Variants in SOX6 observed in about 807,000 individuals in gnomAD.
The protein encoded by SOX6 is SRY-box transcription factor 6, also known as transcription factor SOX-6.
A neutral mutation model predicts 97.8 loss-of-function variants in SOX6; 11 were observed. The ratio of observed to expected loss-of-function variants is 0.11; its 90% CI spans 0.07 to 0.19. The LOEUF (loss-of-function observed/expected upper bound fraction) is 0.19, where lower values mean the gene tolerates loss of function less well. Among genes scored for constraint, SOX6 ranks in the 10% least tolerant of loss-of-function variants. SOX6 has a pLI of 1.00. For synonymous variants in SOX6, 360 were observed against 371.4 expected (o/e 0.97, Z 0.35); for missense variants, 810 against 1,039.5 (o/e 0.78, Z 3.04).
intron 6 of SOX6, among the ~76,000 whole-genome samples, chr11:16,178,930 G>A (rs1166834846): frequency 6.6e-6 from 1 of 151,878 alleles, no homozygotes; most frequent in Non-Finnish European, 1.5e-5. Flanking sequence ...TAAATGGAAG[G>A]TGCAGCTCTT....
At chr11:16,235,660 T>TA (rs1852994337) in intron 3 of SOX6, among the ~76,000 whole-genome samples, 1 of 152,142 alleles carries the variant, frequency 6.6e-6, no homozygotes, top group South Asian at 2.1e-4. Context: ...TTAAAACAGT[T>TA]ACTCCAATTC....
At position 16,737,201 on chromosome 11, in the gene SOX6, A is replaced by ATTAT. The variant is rs757138475; in HGVS notation, n.220-733_220-730dup. Among the ~76,000 whole-genome samples, 246 of 152,040 alleles carry ATTAT rather than the reference A, an allele frequency of 1.6e-3. 2 individuals are homozygous for ATTAT. The highest frequency in any genetic ancestry group is 3.4e-3 in the Middle Eastern group (1 of 294). On this transcript the variant is annotated intron_variant and non_coding_transcript_variant, in intron 1 of 5. Coordinates refer to the SOX6 transcript ENST00000524520. ...CAGATATGTATTATCCATACCACTT[A>ATTAT]TTATTTATTTATTTATTTATTTAGA... is the stretch of plus-strand genomic sequence containing the variant.
intron 4 of SOX6, among the ~76,000 whole-genome samples, chr11:16,570,026 A>G (rs1391011717): frequency 6.6e-6 from 1 of 152,196 alleles, no homozygotes; most frequent in Non-Finnish European, 1.5e-5. Context: ...TAGCAAAGAC[A>G]AAACTCACTC....
intron 7 of SOX6, among the ~76,000 whole-genome samples, chr11:16,100,488 A>T (rs79442752): frequency 0.011 from 1,612 of 151,898 alleles, 27 homozygotes; most frequent in African/African-American, 0.037. Flanking sequence ...ACAAAGTAGG[A>T]TTTAAAACTT....
At chr11:16,446,545 T>C (rs1412712874) in intron 1 of SOX6, among the ~76,000 whole-genome samples, 5 of 152,170 alleles carry the variant, frequency 3.3e-5, no homozygotes, top group Non-Finnish European at 7.4e-5. Flanking sequence ...AGTGGTCATA[T>C]TTCTGCAGAG....
intron 3 of SOX6, among the ~76,000 whole-genome samples, chr11:16,679,423 A>T (rs1420969381): frequency 6.6e-6 from 1 of 152,218 alleles, no homozygotes; most frequent in Non-Finnish European, 1.5e-5. Flanking sequence ...TAGCATCAAC[A>T]TCAATAAAAT....
chr11:16,297,321 C>T (rs929985819), intron 3 of SOX6, among the ~76,000 whole-genome samples: 4 of 152,030 alleles, frequency 2.6e-5, no homozygotes, highest in African/African-American at 9.7e-5. Flanking sequence ...AACATAAATG[C>T]ACCAAATAAT....
intron 1 of SOX6, among the ~76,000 whole-genome samples, chr11:16,354,104 A>C (rs1010713009): frequency 2.6e-5 from 4 of 151,982 alleles, no homozygotes; most frequent in Admixed American, 6.6e-5. Flanking sequence ...GAAAGACTTA[A>C]ATCTCATTTA....
At chr11:16,041,564 T>C (rs557722341) in intron 12 of SOX6, among the ~76,000 whole-genome samples, 1 of 152,272 alleles carries the variant, frequency 6.6e-6, no homozygotes, top group East Asian at 1.9e-4. Context: ...TTTTCCTATT[T>C]AATTCACTGA....
chr11:16,544,114 C>T lies in SOX6; in HGVS notation n.610-67726G>A, dbSNP rs891181707. 2.0e-4 allele frequency among the ~76,000 whole-genome samples: 30 copies of T among 152,018 alleles called. 1 individual carries two copies. Among genetic ancestry groups the T allele is most frequent in the African/African-American group, 7.0e-4 (29 of 41,380 alleles). ...CATGCTAAGCAAAAGAAGCTAAAAA[C>T]AAAGGCCACATATTGCATGATTCCA... is the stretch of plus-strand genomic sequence containing the variant. On this transcript the variant is annotated intron_variant and non_coding_transcript_variant, in intron 4 of 5. Coordinates refer to the SOX6 transcript ENST00000524520.
intron 3 of SOX6, among the ~76,000 whole-genome samples, chr11:16,276,524 C>T (rs1854404132): frequency 6.6e-6 from 1 of 152,060 alleles, no homozygotes; most frequent in African/African-American, 2.4e-5. Context: ...TTTTTTTAAC[C>T]TTGATTACCT....
intron 2 of SOX6, among the ~76,000 whole-genome samples, chr11:16,319,067 C>T (rs182605964): frequency 6.6e-6 from 1 of 152,182 alleles, no homozygotes; most frequent in Admixed American, 6.5e-5. Context: ...ACACTCTTCC[C>T]ACAACATAAA....
chr11:16,188,377 G>C (rs1310735346), intron 4 of SOX6, among the ~76,000 whole-genome samples: 3 of 152,036 alleles, frequency 2.0e-5, no homozygotes, highest in Non-Finnish European at 4.4e-5. Context: ...CTGTATCAAG[G>C]CTAGTCGCCA....
intron 13 of SOX6, among the ~76,000 whole-genome samples, chr11:16,003,784 A>G (rs1854472975): frequency 6.6e-6 from 1 of 152,034 alleles, no homozygotes; most frequent in Non-Finnish European, 1.5e-5. Context: ...CTATAAAACA[A>G]TAATAATTTT....
At chr11:16,224,449 C>A (rs1040443923) in intron 4 of SOX6, among the ~76,000 whole-genome samples, 5 of 151,976 alleles carry the variant, frequency 3.3e-5, no homozygotes, top group African/African-American at 1.2e-4. Flanking sequence ...ATACTTTAGA[C>A]CTTAATCATA....
intron 6 of SOX6, among the ~76,000 whole-genome samples, chr11:16,152,491 T>C (rs1239452496): frequency 1.3e-5 from 2 of 152,090 alleles, no homozygotes; most frequent in South Asian, 2.1e-4. Flanking sequence ...CAAAACAAAA[T>C]ACAAATTACT....
intron 9 of SOX6, among the ~76,000 whole-genome samples, chr11:16,079,444 T>C (rs189368297): frequency 2.4e-4 from 37 of 152,216 alleles, no homozygotes; most frequent in African/African-American, 8.2e-4. Context: ...AAAATGTTTT[T>C]ACTGTTTTTA....
intron 4 of SOX6, among the ~76,000 whole-genome samples, chr11:16,509,361 A>G (rs1860840481): frequency 6.6e-6 from 1 of 152,020 alleles, no homozygotes; most frequent in Admixed American, 6.6e-5. Context: ...AGTTAATGCT[A>G]TTTATGCTAC....
chr11:16,349,807 T>A (rs1246313730), intron 1 of SOX6, among the ~76,000 whole-genome samples: 1 of 151,996 alleles, frequency 6.6e-6, no homozygotes, highest in Non-Finnish European at 1.5e-5. Flanking sequence ...CTACAGCTAA[T>A]GCCTGATATG....
Sources: gnomAD v4.1 joint callset for allele counts (sites outside exome capture counted in the v4.1 genomes callset) on GRCh38, gnomAD v4.1.1 for gene constraint, MANE v1.5 for transcripts, NCBI Gene and HGNC (gene_info 2026-07-23, HGNC 2026-07-21) for gene names.